Variants in CCDC148 observed in about 807,000 individuals in gnomAD.
The protein encoded by CCDC148 is coiled-coil domain containing 148.
Under a neutral mutation model 85.7 loss-of-function variants are expected in CCDC148, and 89 were observed. The ratio of observed to expected loss-of-function variants is 1.04; its 90% confidence interval spans 0.87 to 1.24. The LOEUF (loss-of-function observed/expected upper bound fraction) is 1.24, where lower values mean the gene tolerates loss of function less well. Ranked by LOEUF, CCDC148 falls within the 50% of genes most tolerant of loss-of-function variation. CCDC148 has a pLI of 0.00. For missense variants in CCDC148, 692 were observed against 671.7 expected (o/e 1.03, Z -0.33); for synonymous variants, 230 against 213.9 (o/e 1.08, Z -0.66).
In CCDC148 at chr2:158,293,967, T is replaced by A. The variant is rs1331556303; in HGVS notation, c.1110+15466A>T. Among the ~76,000 whole-genome samples, 66 of 37,288 alleles carry A rather than the reference T, an allele frequency of 1.8e-3. 1 individual carries two copies. Among genetic ancestry groups the A allele is most frequent in the African/African-American group, 9.8e-3 (60 of 6,102 alleles). 24.5% of individuals were successfully genotyped at this position (37,288 alleles called of 152,430 possible). A position where few individuals can be genotyped will look rare whatever the true frequency, so the allele number is the denominator to read the frequency against. ...CTTCCTTCCCCTCTCCCTCCCTCCC[T>A]CCCTCCCCCCCCCCCTCCCTCCCTC... On this transcript the variant is annotated intron_variant, in intron 9 of 13. Coordinates refer to ENST00000283233, the MANE Select transcript of CCDC148 (RefSeq NM_138803.4).
intron 1 of CCDC148, among the ~76,000 whole-genome samples, chr2:158,381,959 G>A (rs559736357): frequency 2.0e-5 from 3 of 152,234 alleles, no homozygotes; most frequent in African/African-American, 7.2e-5. Context: ...AATCCCCAAC[G>A]TGTCTGTATT....
At chr2:158,189,235 C>T (rs900554245) in intron 11 of CCDC148, among the ~76,000 whole-genome samples, 1 of 151,846 alleles carries the variant, frequency 6.6e-6, no homozygotes, top group Non-Finnish European at 1.5e-5. Flanking sequence ...TGAGGCAAGA[C>T]TCATGCCCTG....
At chr2:158,283,571 A>G (rs1275760834) in intron 9 of CCDC148, among the ~76,000 whole-genome samples, 2 of 152,252 alleles carry the variant, frequency 1.3e-5, no homozygotes, top group African/African-American at 2.4e-5. Context: ...CAAAACTACA[A>G]TGAGATACTA....
chr2:158,455,043 A>G (rs1688553671), intron 1 of CCDC148, among the ~76,000 whole-genome samples: 1 of 152,026 alleles, frequency 6.6e-6, no homozygotes, highest in Non-Finnish European at 1.5e-5. Context: ...GAAAAGACCC[A>G]TTTTTTCTTT....
At chr2:158,441,542 CTT>C (rs1491095397) in intron 1 of CCDC148, among the ~76,000 whole-genome samples, 2 of 144,858 alleles carry the variant, frequency 1.4e-5, no homozygotes, top group Admixed American at 6.9e-5. Context: ...TTGTTTTCCT[CTT>C]AACATATTTG....
intron 1 of CCDC148, among the ~76,000 whole-genome samples, chr2:158,384,374 T>C (rs1194153463): frequency 1.3e-5 from 2 of 152,190 alleles, no homozygotes; most frequent in African/African-American, 2.4e-5. Context: ...TGTCAAATTG[T>C]AATCCCCAGT....
chr2:158,343,531 G>GT (rs1682846619), intron 3 of CCDC148, among the ~76,000 whole-genome samples: 1 of 152,128 alleles, frequency 6.6e-6, no homozygotes, highest in East Asian at 1.9e-4. Flanking sequence ...ATATTACCTG[G>GT]CACATATTAA....
chr2:158,242,583 C>CA (rs1273575898), intron 10 of CCDC148, among the ~76,000 whole-genome samples: 1 of 151,686 alleles, frequency 6.6e-6, no homozygotes, highest in Non-Finnish European at 1.5e-5. Context: ...TCCCCACTTG[C>CA]AGTGGGCTCA....
At chr2:158,406,496 G>A (rs1224363479) in intron 1 of CCDC148, among the ~76,000 whole-genome samples, 2 of 151,392 alleles carry the variant, frequency 1.3e-5, no homozygotes, top group African/African-American at 4.9e-5. Flanking sequence ...TGGCCCTTTT[G>A]TTCTCTCTAA....
rs11896817 is a variant in CCDC148, at chr2:158,366,600, G to A, written c.26-8030C>T. ...CCTCGTCCAAAGGCATATGCTTTCC[G>A]GGGCAGCCCGTACCCAGTGACTGAG... On this transcript the variant is annotated intron_variant, in intron 1 of 13. Coordinates refer to ENST00000283233, the MANE Select transcript of CCDC148 (RefSeq NM_138803.4). 3.9e-3 allele frequency among the ~76,000 whole-genome samples: 597 copies of A among 152,196 alleles called. 3 individuals carry two copies. The highest frequency in any genetic ancestry group is 0.013 in the African/African-American group (529 of 41,532).
At chr2:158,249,812 C>T (rs1053918884) in intron 10 of CCDC148, among the ~76,000 whole-genome samples, 4 of 152,102 alleles carry the variant, frequency 2.6e-5, no homozygotes, top group East Asian at 3.8e-4. Context: ...TAGTGCAAAA[C>T]GTCAACCATG....
rs897656595 is a variant in CCDC148, at chr2:158,206,440, G to A, written c.1370+14155C>T. ...GAAAAAATGAGCCAGTTTTACAGCT[G>A]GATCTACACATGCACTGGTCCAGAC... On this transcript the variant is annotated intron_variant, in intron 11 of 13. Transcript: ENST00000283233. Among the ~76,000 whole-genome samples, 12 of 118,948 alleles carry A rather than the reference G, an allele frequency of 1.0e-4. No individual in the cohort carries two copies. In the East Asian group the frequency reaches 2.7e-3, roughly 27 times the overall value. 78.0% of individuals were successfully genotyped at this position (118,948 alleles called of 152,430 possible). A position where few individuals can be genotyped will look rare whatever the true frequency, so the allele number is the denominator to read the frequency against.
At chr2:158,403,601 G>A (rs1005879642) in intron 1 of CCDC148, among the ~76,000 whole-genome samples, 1 of 151,762 alleles carries the variant, frequency 6.6e-6, no homozygotes, top group Non-Finnish European at 1.5e-5. Context: ...TGTTCCTAAT[G>A]CACCCATCAA....
intron 5 of CCDC148, 52 bp from the exon 6 acceptor site, chr2:158,339,137 A>G: frequency 8.1e-7 from 1 of 1,228,986 alleles, no homozygotes; most frequent in South Asian, 1.2e-5. Flanking sequence ...TTCATTCCAT[A>G]TTTATATTTA....
intron 11 of CCDC148, among the ~76,000 whole-genome samples, chr2:158,196,788 A>G (rs543390561): frequency 6.6e-6 from 1 of 151,484 alleles, no homozygotes; most frequent in Admixed American, 6.6e-5. Context: ...CCTATACCCT[A>G]CTCTGCACTT....
At chr2:158,365,122 G>A (rs996780940) in intron 1 of CCDC148, among the ~76,000 whole-genome samples, 4 of 152,136 alleles carry the variant, frequency 2.6e-5, no homozygotes, top group African/African-American at 9.7e-5. Context: ...TCTCATGCCA[G>A]TCAGAATAAC....
chr2:158,207,342 C>G (rs762979881), intron 11 of CCDC148: 1 of 152,202 alleles, frequency 6.6e-6, no homozygotes, highest in South Asian at 2.1e-4. Context: ...TGATTTTGCT[C>G]TGATTAGTGA....
chr2:158,266,944 G>A (rs570806855), intron 9 of CCDC148, among the ~76,000 whole-genome samples: 88 of 138,960 alleles, frequency 6.3e-4, no homozygotes, highest in African/African-American at 1.8e-3. Context: ...ACATATATAT[G>A]TGTGTGTGTA....
chr2:158,386,573 A>G (rs936281374), intron 1 of CCDC148, among the ~76,000 whole-genome samples: 1 of 152,174 alleles, frequency 6.6e-6, no homozygotes, highest in African/African-American at 2.4e-5. Context: ...TTCAGCTTGA[A>G]TAATTTTTTT....
Sources: allele counts gnomAD v4.1 joint callset (sites outside exome capture counted in the v4.1 genomes callset), GRCh38; gene constraint gnomAD v4.1.1; transcripts MANE v1.5; gene names NCBI Gene and HGNC (gene_info 2026-07-23, HGNC 2026-07-21).